Variants in OXR1 observed in about 807,000 individuals in gnomAD.
The protein encoded by OXR1 is oxidation resistance protein 1.
Under a neutral mutation model 104.6 loss-of-function variants are expected in OXR1, and 41 were observed. The observed-to-expected ratio is 0.39, with a 90% CI of 0.31 to 0.51. OXR1 has a LOEUF of 0.51. Among genes scored for constraint, OXR1 ranks in the 20% least tolerant of loss-of-function variants. The probability of loss-of-function intolerance (pLI) is 0.77; values close to 1 mark genes in which losing one functional copy is unlikely to be tolerated. For missense variants in OXR1, 955 were observed against 1,031.9 expected, an observed-to-expected ratio of 0.93 and a Z score of 1.02; for synonymous variants, 348 against 348.4, an observed-to-expected ratio of 1.00 and a Z score of 0.01.
chr8:106,682,196 C>A (rs1373001920), intron 4 of OXR1, among the ~76,000 whole-genome samples: 1 of 151,116 alleles, frequency 6.6e-6, no homozygotes, highest in East Asian at 1.9e-4. Context: ...TAGTTTCCAA[C>A]TAGATTGTAA....
intron 3 of OXR1, among the ~76,000 whole-genome samples, chr8:106,555,942 A>ATATG (rs1263928988): frequency 7.9e-5 from 6 of 76,162 alleles, no homozygotes; most frequent in South Asian, 6.1e-4. Flanking sequence ...ATATATATAT[A>ATATG]TATATACACA....
At chr8:106,425,083 G>GTTTTTTTT (rs748444311) in intron 2 of OXR1, among the ~76,000 whole-genome samples, 2 of 83,646 alleles carry the variant, frequency 2.4e-5, no homozygotes, top group Non-Finnish European at 2.2e-5. Flanking sequence ...GTTTGGTTTG[G>GTTTTTTTT]TTTTTTTTTT....
At chr8:106,613,161 A>G (rs1405823534) in intron 3 of OXR1, among the ~76,000 whole-genome samples, 1 of 152,096 alleles carries the variant, frequency 6.6e-6, no homozygotes, top group Non-Finnish European at 1.5e-5. Context: ...TTCAAGCAGA[A>G]GAAAATATGT....
chr8:106,439,783 C>T (rs1819713039), intron 2 of OXR1, among the ~76,000 whole-genome samples: 1 of 152,024 alleles, frequency 6.6e-6, no homozygotes, highest in African/African-American at 2.4e-5. Context: ...CAAGTATTCA[C>T]CAAAGGGTTC....
At chr8:106,542,993 T>A (rs888282435) in intron 3 of OXR1, among the ~76,000 whole-genome samples, 2 of 152,176 alleles carry the variant, frequency 1.3e-5, no homozygotes, top group African/African-American at 4.8e-5. Context: ...TGTAAGTCCA[T>A]TAGCTTTTGA....
intron 3 of OXR1, chr8:106,617,891 C>A: frequency 3.6e-6 from 1 of 281,216 alleles, no homozygotes. Flanking sequence ...TCATACAGAG[C>A]ATGTCGTCGT....
chr8:106,721,482 C>T (rs1479575011), intron 11 of OXR1, among the ~76,000 whole-genome samples: 3 of 152,010 alleles, frequency 2.0e-5, no homozygotes, highest in Non-Finnish European at 1.5e-5. Context: ...CAGTATTTTT[C>T]ATTCTTAAAA....
intron 1 of OXR1, among the ~76,000 whole-genome samples, chr8:106,339,519 A>AAAT (rs869120573): frequency 9.0e-5 from 3 of 33,354 alleles, no homozygotes; most frequent in African/African-American, 2.1e-4. Context: ...AAAAAAAAAA[A>AAAT]ATATATATAT....
intron 3 of OXR1, among the ~76,000 whole-genome samples, chr8:106,532,356 A>G (rs1398989643): frequency 1.3e-5 from 2 of 152,234 alleles, no homozygotes; most frequent in East Asian, 1.9e-4. Flanking sequence ...ATTACATACA[A>G]TTGGATTTGG....
At chr8:106,679,998 A>G (rs1587064883) in intron 4 of OXR1, among the ~76,000 whole-genome samples, 1 of 152,234 alleles carries the variant, frequency 6.6e-6, no homozygotes, top group African/African-American at 2.4e-5. Context: ...TGTATTAAGG[A>G]GAACAGCAAT....
At chr8:106,327,683 G>C (rs1348546666) in intron 1 of OXR1, among the ~76,000 whole-genome samples, 1 of 151,990 alleles carries the variant, frequency 6.6e-6, no homozygotes, top group East Asian at 1.9e-4. Context: ...TTTGTCATTG[G>C]CTTTCTTTAT....
intron 1 of OXR1, among the ~76,000 whole-genome samples, chr8:106,334,133 CT>C (rs1814852070): frequency 6.6e-6 from 1 of 152,136 alleles, no homozygotes; most frequent in East Asian, 1.9e-4. Context: ...GTCTTAATTT[CT>C]TTCAACAATG....
intron 2 of OXR1, among the ~76,000 whole-genome samples, chr8:106,505,973 G>A (rs1020505618): frequency 2.0e-5 from 3 of 152,218 alleles, no homozygotes; most frequent in African/African-American, 7.2e-5. Context: ...GAGCAGCATG[G>A]AGGCTTTGGT....
chr8:106,329,043 GTGC>G (rs1563720577), intron 1 of OXR1, among the ~76,000 whole-genome samples: 2 of 152,062 alleles, frequency 1.3e-5, no homozygotes, highest in Non-Finnish European at 1.5e-5. Flanking sequence ...CCAGGCTGGA[GTGC>G]AGTGGTGCGA....
chr8:106,645,595 T>G (rs1285103236), intron 3 of OXR1, among the ~76,000 whole-genome samples: 3 of 152,184 alleles, frequency 2.0e-5, no homozygotes, highest in African/African-American at 4.8e-5. Context: ...AAACTAAACC[T>G]GTCTAGTCAG....
chr8:106,580,670 G>T (rs1818162983), intron 3 of OXR1, among the ~76,000 whole-genome samples: 1 of 151,656 alleles, frequency 6.6e-6, no homozygotes, highest in Admixed American at 6.6e-5. Context: ...TATTGTGGTA[G>T]CATTATTTTA....
intron 3 of OXR1, among the ~76,000 whole-genome samples, chr8:106,654,008 A>G (rs1465284128): frequency 3.3e-5 from 5 of 152,214 alleles, no homozygotes; most frequent in Admixed American, 1.3e-4. Flanking sequence ...AATGTATGTC[A>G]CAAAAAAGTA....
chr8:106,593,717 A>G (rs887335405), intron 3 of OXR1, among the ~76,000 whole-genome samples: 1 of 152,210 alleles, frequency 6.6e-6, no homozygotes, highest in Non-Finnish European at 1.5e-5. Flanking sequence ...CAGATCTTGC[A>G]GTGTGCAGAA....
intron 7 of OXR1, among the ~76,000 whole-genome samples, chr8:106,700,631 AT>A (rs1017493102): frequency 4.6e-5 from 7 of 152,184 alleles, no homozygotes; most frequent in African/African-American, 1.7e-4. Context: ...TTTTCAAATG[AT>A]TTGTATAGTT....
Sources: allele counts gnomAD v4.1 joint callset (sites outside exome capture counted in the v4.1 genomes callset), GRCh38; gene constraint gnomAD v4.1.1; transcripts MANE v1.5; gene names NCBI Gene and HGNC (gene_info 2026-07-23, HGNC 2026-07-21).